The following WDR4 variants were observed in gnomAD, a reference collection of about 807,000 sequenced individuals.
The protein encoded by WDR4 is tRNA (guanine-N(7)-)-methyltransferase non-catalytic subunit WDR4.
A neutral mutation model predicts 48.6 loss-of-function variants in WDR4; 47 were observed. That is an observed-to-expected ratio of 0.97 (90% CI 0.77 to 1.23). The LOEUF is 1.23. Among genes scored for constraint, WDR4 ranks in the 50% most tolerant of loss-of-function variants. The pLI is 0.00. For synonymous variants in WDR4, 268 were observed against 230.0 expected (o/e 1.17, Z -1.49); for missense variants, 606 against 551.6 (o/e 1.10, Z -0.99).
At chr21:42,857,747 GAAGT>G (rs2058028134) in intron 6 of WDR4, among the ~76,000 whole-genome samples, 1 of 152,106 alleles carries the variant, frequency 6.6e-6, no homozygotes, top group Admixed American at 6.6e-5. Flanking sequence ...AATCTCCCAA[GAAGT>G]AAGACTATTC....
At chr21:42,860,004 A>G (rs1465714428) in intron 5 of WDR4, among the ~76,000 whole-genome samples, 1 of 152,126 alleles carries the variant, frequency 6.6e-6, no homozygotes, top group Non-Finnish European at 1.5e-5. Flanking sequence ...CATGCCTGCC[A>G]GAGACCCAAG....
the WDR4 span, among the ~76,000 whole-genome samples, chr21:42,892,484 A>T: frequency 1.2e-5 from 1 of 85,586 alleles, no homozygotes; most frequent in Non-Finnish European, 2.3e-5. Context: ...ACCTCAATGA[A>T]TCGCTAGCTG....
At chr21:42,883,467 T>C (rs2058621395), upstream of WDR4, 1 of 153,684 alleles carries the variant, frequency 6.5e-6, no homozygotes, top group African/African-American at 2.4e-5. Flanking sequence ...CCCTAAAATG[T>C]ATGTCCACCC....
intron 3 of WDR4, among the ~76,000 whole-genome samples, chr21:42,866,744 C>A (rs73233305): frequency 6.6e-6 from 1 of 152,048 alleles, no homozygotes; most frequent in Non-Finnish European, 1.5e-5. Context: ...CCACAATAAT[C>A]CCCTCCAATT....
chr21:42,862,179 C>T lies in WDR4; in HGVS notation c.566+103G>A, dbSNP rs1292561199. On this transcript the variant is annotated intron_variant, in intron 5 of 10. Transcript: ENST00000398208. The surrounding 1 kb of genome is among the most constrained non-coding windows in gnomAD (Gnocchi z 4.3). ...ACCAAGCACGGGGGCTGCTGTCACC[C>T]GCGTGGGGCCTCGCCAGCTACAACG... 20 of 1,059,652 alleles carry T rather than the reference C, an allele frequency of 1.9e-5. No individual in the cohort carries two copies. The highest frequency in any genetic ancestry group is 5.2e-5 in the East Asian group (2 of 38,464). 65.6% of individuals were successfully genotyped at this position (1,059,652 alleles called of 1,614,324 possible).
chr21:42,867,035 T>C (rs566389683), intron 3 of WDR4, among the ~76,000 whole-genome samples: 39 of 152,188 alleles, frequency 2.6e-4, no homozygotes, highest in Non-Finnish European at 1.5e-4. Flanking sequence ...ACATGGTCCA[T>C]CTTCCACACC....
Position 42,876,700 on chromosome 21 carries a change from AC to A in WDR4, c.155+1del. On this transcript the variant is annotated splice_donor_variant, in intron 2 of 10. Transcript: ENST00000398208. LOFTEE classifies it high-confidence loss of function. ...CCCTGAAAAAGCTTCCCCACATCTCACCCTTTATTTTCTTGTGACTTCTTTT... is the reference window on the plus strand; with the variant it reads ...CCCTGAAAAAGCTTCCCCACATCTCACCTTTATTTTCTTGTGACTTCTTTT... 1 of 1,613,292 alleles carries A rather than the reference AC, an allele frequency of 6.2e-7. No homozygotes were observed. The highest frequency in any genetic ancestry group is 8.5e-7 in the Non-Finnish European group (1 of 1,179,732).
At chr21:42,858,259 C>T (rs1049271414) in intron 6 of WDR4, among the ~76,000 whole-genome samples, 3 of 152,194 alleles carry the variant, frequency 2.0e-5, no homozygotes, top group Admixed American at 2.0e-4. Context: ...CTGGGGCCCA[C>T]CAAGTCACCT....
At chr21:42,877,472 TAA>T (rs34300654) in intron 1 of WDR4, among the ~76,000 whole-genome samples, 223 of 133,964 alleles carry the variant, frequency 1.7e-3, no homozygotes, top group African/African-American at 3.5e-3. Flanking sequence ...AGCACTTTGT[TAA>T]AAAAAAAAAA....
At chr21:42,848,756 G>A (rs1451984825), downstream of WDR4, among the ~76,000 whole-genome samples, 40 of 62,820 alleles carry the variant, frequency 6.4e-4, no homozygotes, top group African/African-American at 2.8e-3. Flanking sequence ...CACAGCACAC[G>A]ATCACGCGGC....
chr21:42,854,482 T>C (rs1279417413), intron 8 of WDR4, 80 bp downstream of exon 8: 5 of 1,440,144 alleles, frequency 3.5e-6, no homozygotes, highest in Non-Finnish European at 4.7e-6. Flanking sequence ...ATTGAGGACG[T>C]GGGCCAGTGG....
chr21:42,859,244 C>T (rs897866008), intron 6 of WDR4, among the ~76,000 whole-genome samples: 5 of 150,498 alleles, frequency 3.3e-5, no homozygotes, highest in Non-Finnish European at 4.4e-5. Context: ...AACACCCCAT[C>T]TTAAAAAAAA....
chr21:42,862,188 C>A lies in WDR4; in HGVS notation c.566+94G>T, dbSNP rs2058132156. On this transcript the variant is annotated intron_variant, in intron 5 of 10. Transcript: ENST00000398208. The surrounding 1 kb of genome is among the most constrained non-coding windows in gnomAD (Gnocchi z 4.3). ...GGGGGCTGCTGTCACCCGCGTGGGG[C>A]CTCGCCAGCTACAACGGCACCTGCT... 1.7e-6 allele frequency: 2 copies of A among 1,184,718 alleles called. No individual in the cohort carries two copies. Among genetic ancestry groups the A allele is most frequent in the Admixed American group, 4.3e-5 (2 of 46,758 alleles). The allele number at this position is 1,184,718 out of a possible 1,614,324, so 73.4% of individuals were successfully genotyped here. A position where few individuals can be genotyped will look rare whatever the true frequency, so the allele number is the denominator to read the frequency against.
At position 42,862,162 on chromosome 21, in the gene WDR4, CG is replaced by C; in HGVS notation, c.566+119del. The stretch of plus-strand genomic sequence containing the variant: ...GCCTGCAGTGACCAAACACCAAGCA[CG>C]GGGGCTGCTGTCACCCGCGTGGGGC... On this transcript the variant is annotated intron_variant, in intron 5 of 10. Transcript: ENST00000398208. This position sits in a 1 kb window ranked among gnomAD's most constrained non-coding sequence, Gnocchi z 4.3. The C allele has an allele frequency of 3.5e-6, 3 of 857,206 alleles. No homozygotes were observed. Among genetic ancestry groups the C allele is most frequent in the Non-Finnish European group, 5.4e-6 (3 of 556,982 alleles). The allele number at this position is 857,206 out of a possible 1,614,324, so 53.1% of individuals were successfully genotyped here. A position where few individuals can be genotyped will look rare whatever the true frequency, so the allele number is the denominator to read the frequency against.
upstream of WDR4, among the ~76,000 whole-genome samples, chr21:42,881,107 C>T (rs1488798776): frequency 1.3e-5 from 2 of 152,268 alleles, no homozygotes; most frequent in East Asian, 3.9e-4. Flanking sequence ...GGGGTTTCAC[C>T]ATGTTAGCCA....
At position 42,855,774 on chromosome 21, in the gene WDR4, T is replaced by A. The variant is rs1296615324; in HGVS notation, c.634A>T (p.Thr212Ser). Reference sequence around the variant, plus strand: ...CTCCTGTACTCCCAGAGCCTCAGGGTGCCGTCCTGCACAAACCAAACACAC... The same window carrying A: ...CTCCTGTACTCCCAGAGCCTCAGGGAGCCGTCCTGCACAAACCAAACACAC... ...GLLLSSSGDG[T>S]LRLWEYRSGR... The change falls in exon 7 of 11, where the codon ACC becomes TCC. Residue 212 changes from threonine to serine, a missense_variant. Thr to Ser is a moderately conservative substitution (Grantham distance 58, BLOSUM62 1). Coordinates refer to ENST00000398208, the MANE Select transcript of WDR4 (RefSeq NM_018669.6). 1.3e-6 allele frequency: 2 copies of A among 1,550,938 alleles called. No individual in the cohort carries two copies. Among genetic ancestry groups the A allele is most frequent in the Admixed American group, 3.9e-5 (2 of 51,094 alleles).
intron 2 of WDR4, 144 bp from the exon 3 acceptor site, chr21:42,873,835 G>T: frequency 1.1e-6 from 1 of 927,404 alleles, no homozygotes; most frequent in East Asian, 2.7e-5. Context: ...ACATATTAAA[G>T]GGACATGGGG....
At chr21:42,882,681 G>A (rs1033714028), upstream of WDR4, among the ~76,000 whole-genome samples, 3 of 152,102 alleles carry the variant, frequency 2.0e-5, no homozygotes, top group African/African-American at 7.2e-5. Flanking sequence ...TGGGCAAAAA[G>A]GCCAGGCACG....
At position 42,849,980 on chromosome 21, in the gene WDR4, C is replaced by A; in HGVS notation, c.*69G>T. 6.3e-7 allele frequency: 1 copy of A among 1,585,630 alleles called. No individual in the cohort carries two copies. Among genetic ancestry groups the A allele is most frequent in the Non-Finnish European group, 8.6e-7 (1 of 1,164,010 alleles). ...CCTTTTCCTTCTTGAAGGGACATGCCAGGATGCAGGGGAACAAGTTAAAAA... is the reference window on the plus strand; with the variant it reads ...CCTTTTCCTTCTTGAAGGGACATGCAAGGATGCAGGGGAACAAGTTAAAAA... On this transcript the variant is annotated 3_prime_UTR_variant, in exon 11 of 11. Transcript: ENST00000398208.
Sources: gnomAD v4.1 joint callset for allele counts (sites outside exome capture counted in the v4.1 genomes callset) on GRCh38, gnomAD v4.1.1 for gene constraint, Gnocchi (gnomAD v3.1) non-coding constraint, MANE v1.5 for transcripts, NCBI Gene and HGNC (gene_info 2026-07-23, HGNC 2026-07-21) for gene names.